The following TPCN1 variants were observed in gnomAD, a reference collection of about 807,000 sequenced individuals.
The protein encoded by TPCN1 is two pore segment channel 1.
A neutral mutation model predicts 108.8 loss-of-function variants in TPCN1; 52 were observed. The ratio of observed to expected loss-of-function variants is 0.48; its 90% CI spans 0.38 to 0.60. TPCN1 has a LOEUF of 0.60. Among genes scored for constraint, TPCN1 ranks in the 20% least tolerant of loss-of-function variants. The pLI is 0.00. For missense variants in TPCN1, 806 were observed against 1,072.8 expected, an observed-to-expected ratio of 0.75 and a Z score of 3.47; for synonymous variants, 446 against 433.7, an observed-to-expected ratio of 1.03 and a Z score of -0.35.
intron 11 of TPCN1, 95 bp downstream of exon 11, chr12:113,277,130 C>G: frequency 6.2e-7 from 1 of 1,600,548 alleles, no homozygotes; most frequent in South Asian, 1.1e-5. Flanking sequence ...ACTTTAGAAA[C>G]CAGGAACCCT....
intron 2 of TPCN1, among the ~76,000 whole-genome samples, chr12:113,250,726 A>C (rs1954601472): frequency 6.6e-6 from 1 of 152,138 alleles, no homozygotes. Flanking sequence ...AGGCCAAGGC[A>C]GTTGGATCAC....
chr12:113,248,159 G>A (rs944687651), intron 2 of TPCN1, among the ~76,000 whole-genome samples: 2 of 152,320 alleles, frequency 1.3e-5, no homozygotes, highest in South Asian at 4.1e-4. Flanking sequence ...GGTGGAGCCC[G>A]CCCTCTTGCC....
chr12:113,276,093 G>A (rs1189292422), intron 10 of TPCN1, among the ~76,000 whole-genome samples: 1 of 152,182 alleles, frequency 6.6e-6, no homozygotes, highest in African/African-American at 2.4e-5. Context: ...GTCTGTGGCT[G>A]ATCTCATGAT....
chr12:113,228,587 G>A (rs1171236105), intron 2 of TPCN1, among the ~76,000 whole-genome samples: 1 of 152,202 alleles, frequency 6.6e-6, no homozygotes, highest in Admixed American at 6.5e-5. Context: ...TCCAGCCTGG[G>A]CAACAGAGCA....
rs1956166249 is a variant in TPCN1, at chr12:113,288,555, AT to A, written c.1707-200del. 6.8e-7 allele frequency: 1 copy of A among 1,471,916 alleles called. No homozygotes were observed. The highest frequency in any genetic ancestry group is 9.0e-7 in the Non-Finnish European group (1 of 1,113,254). The allele number at this position is 1,471,916 out of a possible 1,614,324, so 91.2% of individuals were successfully genotyped here. On this transcript the variant is annotated intron_variant, in intron 20 of 27. Coordinates refer to ENST00000335509, the MANE Select transcript of TPCN1 (RefSeq NM_017901.6). This position sits in a 1 kb window ranked among gnomAD's most constrained non-coding sequence, Gnocchi z 4.8. ...AGGGGTGAATCTCTGGGAAAGGGGCATTTGTTCATAGCGTCCTGACTTGAGC... is the reference window on the plus strand; with the variant it reads ...AGGGGTGAATCTCTGGGAAAGGGGCATTGTTCATAGCGTCCTGACTTGAGC...
chr12:113,238,896 C>G (rs999647141), intron 2 of TPCN1, among the ~76,000 whole-genome samples: 2 of 152,048 alleles, frequency 1.3e-5, no homozygotes, highest in African/African-American at 4.8e-5. Context: ...TTTGGGAGAC[C>G]AAGGCGAGAG....
At chr12:113,292,176 A>G (rs1366972177) in intron 25 of TPCN1, 13 of 543,716 alleles carry the variant, frequency 2.4e-5, no homozygotes, top group African/African-American at 3.8e-5. Flanking sequence ...AATAAGACAG[A>G]GCATGTCATA....
rs1366211460 is a variant in TPCN1, at chr12:113,266,590, G to T, written c.414+234G>T. ...CTGCCCACCAGTAAATTCCAGGGAG[G>T]GGAAGTGTCCCAGGCCCTGCTCAGG... On this transcript the variant is annotated intron_variant, in intron 4 of 27. Transcript: ENST00000335509. This position sits in a 1 kb window ranked among gnomAD's most constrained non-coding sequence, Gnocchi z 4.2. Among the ~76,000 whole-genome samples, 1 of 152,226 alleles carries T rather than the reference G, an allele frequency of 6.6e-6. No homozygotes were observed. The highest frequency in any genetic ancestry group is 2.4e-5 in the African/African-American group (1 of 41,462).
At chr12:113,244,527 G>C in intron 2 of TPCN1, 1 of 985,448 alleles carries the variant, frequency 1.0e-6, no homozygotes, top group Non-Finnish European at 1.2e-6. Context: ...TCTCATGCTA[G>C]ATTTTTATCT....
chr12:113,291,141 G>A, intron 23 of TPCN1, 143 bp downstream of exon 23: 1 of 821,108 alleles, frequency 1.2e-6, no homozygotes, highest in Non-Finnish European at 2.0e-6. Context: ...GTTCAGTGGG[G>A]AGGCCACAGG....
At position 113,288,359 on chromosome 12, in the gene TPCN1, G is replaced by A. The variant is rs769021457; in HGVS notation, c.1706+125G>A. 86 of 1,519,028 alleles carry A rather than the reference G, an allele frequency of 5.7e-5. No individual in the cohort carries two copies. The highest frequency in any genetic ancestry group is 1.7e-4 in the Middle Eastern group (1 of 5,890). The allele number at this position is 1,519,028 out of a possible 1,614,324, so 94.1% of individuals were successfully genotyped here. Reference sequence around the variant, plus strand: ...AAAGGACTGCAATCGAGGGCCTGACGGGGCTCCAAGGAGCCTGGAATCTTG... The same window carrying A: ...AAAGGACTGCAATCGAGGGCCTGACAGGGCTCCAAGGAGCCTGGAATCTTG... On this transcript the variant is annotated intron_variant, in intron 20 of 27. Transcript: ENST00000335509. This position sits in a 1 kb window ranked among gnomAD's most constrained non-coding sequence, Gnocchi z 4.8.
At chr12:113,286,901 G>A in intron 18 of TPCN1, 86 bp from the exon 19 acceptor site, 2 of 893,788 alleles carry the variant, frequency 2.2e-6, no homozygotes, top group Non-Finnish European at 1.8e-6. Context: ...TCTGTGGGAG[G>A]GTGGCTGTGC....
At chr12:113,229,116 C>A (rs1207396616) in intron 2 of TPCN1, among the ~76,000 whole-genome samples, 1 of 152,198 alleles carries the variant, frequency 6.6e-6, no homozygotes, top group East Asian at 1.9e-4. Context: ...AATAAGACTC[C>A]CCTTGGCTAG....
chr12:113,278,698 C>T (rs970431062), intron 13 of TPCN1, 74 bp from the exon 14 acceptor site: 245 of 1,272,860 alleles, frequency 1.9e-4, no homozygotes, highest in Non-Finnish European at 2.7e-4. Context: ...GGAAAGGAAG[C>T]CAGCATCCTG....
chr12:113,245,433 T>TAA lies in TPCN1; in HGVS notation c.113-14927_113-14926dup, dbSNP rs1201772361. ...TAACACGGTGAAACCCCGTCTCTAC[T>TAA]AAAAAAAAATACAAAAAATTAGCCG... On this transcript the variant is annotated intron_variant, in intron 2 of 27. Coordinates refer to ENST00000335509, the MANE Select transcript of TPCN1 (RefSeq NM_017901.6). Among the ~76,000 whole-genome samples the TAA allele has an allele frequency of 2.7e-5, 3 of 110,738 alleles. 1 individual carries two copies. In the East Asian group the frequency reaches 8.4e-4, roughly 31 times the overall value. The allele number at this position is 110,738 out of a possible 152,430, so 72.6% of individuals were successfully genotyped here. A position where few individuals can be genotyped will look rare whatever the true frequency, so the allele number is the denominator to read the frequency against.
rs1955585213 is a variant in TPCN1 at position 113,273,803 on chromosome 12, C to T, written c.942+135C>T. 2 of 798,454 alleles carry T rather than the reference C, an allele frequency of 2.5e-6. No individual in the cohort carries two copies. Among genetic ancestry groups the T allele is most frequent in the Non-Finnish European group, 4.3e-6 (2 of 460,402 alleles). The allele number at this position is 798,454 out of a possible 1,614,324, so 49.5% of individuals were successfully genotyped here. A position where few individuals can be genotyped will look rare whatever the true frequency, so the allele number is the denominator to read the frequency against. On this transcript the variant is annotated intron_variant, in intron 10 of 27. Coordinates refer to ENST00000335509, the MANE Select transcript of TPCN1 (RefSeq NM_017901.6). This position sits in a 1 kb window ranked among gnomAD's most constrained non-coding sequence, Gnocchi z 4.0. ...ACGTTGGGGCAGGAAGTCCCAGATT[C>T]ATAGTCAGGTGCGGTGTTGCAGGGA...
intron 23 of TPCN1, 55 bp from the exon 24 acceptor site, chr12:113,291,554 C>T (rs755113049): frequency 3.7e-5 from 55 of 1,505,092 alleles, no homozygotes; most frequent in Non-Finnish European, 4.4e-5. Flanking sequence ...CCTGTGTAGA[C>T]GGGGACCTGC....
chr12:113,278,377 G>A (rs1955745653), intron 13 of TPCN1, 140 bp downstream of exon 13: 1 of 748,864 alleles, frequency 1.3e-6, no homozygotes, highest in Non-Finnish European at 2.3e-6. Flanking sequence ...ACACTTCAGG[G>A]ATCACAGGTG....
intron 1 of TPCN1, chr12:113,225,354 C>T (rs1953431395): frequency 2.7e-6 from 1 of 376,882 alleles, no homozygotes; most frequent in South Asian, 1.9e-5. Flanking sequence ...CCACTGTGCC[C>T]AGCCTATTTT....
Sources: gnomAD v4.1 joint callset for allele counts (sites outside exome capture counted in the v4.1 genomes callset) on GRCh38, gnomAD v4.1.1 for gene constraint, Gnocchi (gnomAD v3.1) non-coding constraint, MANE v1.5 for transcripts, NCBI Gene and HGNC (gene_info 2026-07-23, HGNC 2026-07-21) for gene names.